The following PLCH2 variants were observed in gnomAD, a reference collection of about 807,000 sequenced individuals.
The protein encoded by PLCH2 is phospholipase C eta 2, also known as 1-phosphatidylinositol 4,5-bisphosphate phosphodiesterase eta-2.
In PLCH2, 98 loss-of-function variants were observed where a neutral mutation model predicts 134.7. The ratio of observed to expected loss-of-function variants is 0.73; its 90% CI spans 0.62 to 0.86. The LOEUF is 0.86. PLCH2 is among the 40% of genes least tolerant of loss of function. The pLI is 0.00. For missense variants in PLCH2, 1,994 were observed against 1,986.6 expected (o/e 1.00, Z -0.07); for synonymous variants, 974 against 827.5 (o/e 1.18, Z -3.04).
rs150418237 is a variant in PLCH2, at chr1:2,458,536, C to A, written c.116-19940C>A. On this transcript the variant is annotated intron_variant, in intron 2 of 3. Transcript: ENST00000609981. ...AGTGGCCTTCCTGCTTTCACAGGAA[C>A]TGGCAGGCCGGGTGGACCCAGTGGG... Among the ~76,000 whole-genome samples the A allele has an allele frequency of 3.2e-3, 482 of 152,268 alleles. 6 individuals are homozygous for A. Among genetic ancestry groups the A allele is most frequent in the African/African-American group, 0.011 (453 of 41,550 alleles).
intron 2 of PLCH2, among the ~76,000 whole-genome samples, chr1:2,462,393 CGCCTGACACCCCTCT>C (rs1344585532): frequency 1.5e-5 from 2 of 134,170 alleles, no homozygotes; most frequent in South Asian, 2.6e-4. Flanking sequence ...ACACCCCCTC[CGCCTGACACCCCTCT>C]GCCTGACACC....
Position 2,504,098 on chromosome 1 carries a change from G to A in PLCH2, c.3136G>A (p.Glu1046Lys). Residue 1046 changes from glutamate (E) to lysine (K), a missense_variant, in exon 22 of 22, where the codon GAG becomes AAG. Around this residue, in one of 2 missense-constraint regions of PLCH2, gnomAD observed 900 missense variants for 752.3 expected, o/e 1.20. Coordinates refer to ENST00000378486, the MANE Select transcript of PLCH2 (RefSeq NM_014638.4). ...GPGANVASPL[E>K]DTEEPRDSRP... ...CGGAGCCAATGTGGCAAGCCCCCTAGAGGACACTGAGGAGCCCCGAGACAG... is the reference window on the plus strand; with the variant it reads ...CGGAGCCAATGTGGCAAGCCCCCTAAAGGACACTGAGGAGCCCCGAGACAG... The A allele has an allele frequency of 6.5e-7, 1 of 1,530,570 alleles. No homozygotes were observed. Among genetic ancestry groups the A allele is most frequent in the South Asian group, 1.2e-5 (1 of 82,018 alleles). The allele number at this position is 1,530,570 out of a possible 1,614,324, so 94.8% of individuals were successfully genotyped here.
At chr1:2,479,007 C>T in intron 2 of PLCH2, 1 of 226,532 alleles carries the variant, frequency 4.4e-6, no homozygotes, top group Non-Finnish European at 8.8e-6. Context: ...GCTCAGGCAG[C>T]CACTGGGCAT....
Position 2,487,216 on chromosome 1 carries a change from C to A in PLCH2, c.954C>A (p.Asn318Lys). The A allele has an allele frequency of 6.3e-7, 1 of 1,596,314 alleles. No individual in the cohort carries two copies. Among genetic ancestry groups the A allele is most frequent in the Non-Finnish European group, 8.5e-7 (1 of 1,171,692 alleles). ...YTRSPAGDIFNPEHHHVHQDM... is the reference protein window; with the variant it reads ...YTRSPAGDIFKPEHHHVHQDM... ...GGAGCCCTGCTGGTGACATCTTCAA[C>A]CCTGAGCACCACCATGTGCACCAGG... The change falls in exon 7 of 22, where the codon AAC (asparagine) becomes AAA (lysine). Residue 318 changes from asparagine to lysine, a missense_variant. Around this residue, in one of 2 missense-constraint regions of PLCH2, gnomAD observed 1,094 missense variants for 1,234.3 expected, o/e 0.89. Transcript: ENST00000378486.
At chr1:2,494,046 C>G (rs980515202) in intron 11 of PLCH2, among the ~76,000 whole-genome samples, 1 of 152,192 alleles carries the variant, frequency 6.6e-6, no homozygotes, top group Non-Finnish European at 1.5e-5. Context: ...ACAGGGACCG[C>G]TGCTGCAGGC....
At chr1:2,481,799 T>C (rs1641985834) in intron 4 of PLCH2, among the ~76,000 whole-genome samples, 1 of 152,194 alleles carries the variant, frequency 6.6e-6, no homozygotes, top group Admixed American at 6.5e-5. Context: ...TTCAGAGCGC[T>C]GGGCCTCCCC....
At chr1:2,480,042 G>T (rs1641875907) in intron 3 of PLCH2, 65 bp downstream of exon 3, 6 of 1,583,562 alleles carry the variant, frequency 3.8e-6, no homozygotes, top group Non-Finnish European at 5.2e-6. Context: ...CTCACCCTGG[G>T]GGGGCCTGTC....
chr1:2,483,480 C>T (rs535139369), intron 4 of PLCH2, among the ~76,000 whole-genome samples: 10 of 152,292 alleles, frequency 6.6e-5, no homozygotes, highest in African/African-American at 2.2e-4. Flanking sequence ...CTAGGCACTG[C>T]GTCCCTTTGG....
rs2100754673 is a variant in PLCH2 at position 2,504,882 on chromosome 1, C to T, written c.3920C>T (p.Thr1307Ile). 2 of 1,591,602 alleles carry T rather than the reference C, an allele frequency of 1.3e-6. No homozygotes were observed. Among genetic ancestry groups the T allele is most frequent in the Non-Finnish European group, 1.7e-6 (2 of 1,168,728 alleles). The change falls in exon 22 of 22, where the codon ACT becomes ATT. Residue 1307 changes from threonine to isoleucine, a missense_variant. Thr to Ile is a moderately conservative substitution (Grantham distance 89). Transcript: ENST00000378486. The part of the protein sequence containing the change: ...DTLTEQLRWL[T>I]VFQQAGDITS... ...CTGACAGAGCAGCTGCGCTGGCTCA[C>T]TGTCTTCCAGCAGGCAGGAGACATC...
rs759302911 is a variant in PLCH2 at position 2,504,146 on chromosome 1, G to A, written c.3184G>A (p.Glu1062Lys). The A allele has an allele frequency of 6.2e-5, 94 of 1,520,234 alleles. No homozygotes were observed. In the South Asian group the frequency reaches 8.1e-4, roughly 13 times the overall value. 94.2% of individuals were successfully genotyped at this position (1,520,234 alleles called of 1,614,324 possible). The change falls in exon 22 of 22, where the codon GAG becomes AAG. Residue 1062 changes from glutamate to lysine, a missense_variant. By Grantham distance (56) the Glu-to-Lys change is moderately conservative (BLOSUM62 1). Transcript: ENST00000378486. ...RDSRPRPCNGEGAGGAYERAP... is the reference protein window; with the variant it reads ...RDSRPRPCNGKGAGGAYERAP... The stretch of plus-strand genomic sequence containing the variant: ...CAGCAGGCCTCGGCCGTGCAACGGC[G>A]AGGGCGCCGGCGGGGCATACGAGAG...
chr1:2,445,443 T>C (rs1396026834), intron 2 of PLCH2, among the ~76,000 whole-genome samples: 1 of 151,972 alleles, frequency 6.6e-6, no homozygotes, highest in Non-Finnish European at 1.5e-5. Context: ...TGCTGGACAG[T>C]GTGTAGAAGA....
chr1:2,501,177 A>T (rs764367955), intron 20 of PLCH2: 2 of 151,950 alleles, frequency 1.3e-5, no homozygotes, highest in Non-Finnish European at 2.9e-5. Context: ...GCATCTGCCC[A>T]GAGGCGCCCC....
intron 2 of PLCH2, among the ~76,000 whole-genome samples, chr1:2,436,722 CA>C (rs887278093): frequency 1.3e-5 from 2 of 152,306 alleles, no homozygotes; most frequent in African/African-American, 4.8e-5. Context: ...GCCTGAGGGT[CA>C]GGCTAGTCCC....
rs1430383475 is a variant in PLCH2, at chr1:2,448,827, C to T, written c.115+18198C>T. Among the ~76,000 whole-genome samples the T allele has an allele frequency of 6.6e-6, 1 of 152,138 alleles. No individual in the cohort carries two copies. Among genetic ancestry groups the T allele is most frequent in the Non-Finnish European group, 1.5e-5 (1 of 68,010 alleles). On this transcript the variant is annotated intron_variant, in intron 2 of 3. Coordinates refer to the PLCH2 transcript ENST00000609981. The surrounding 1 kb of genome is among the most constrained non-coding windows in gnomAD (Gnocchi z 4.0). ...CCAAGAGGGGTACTGGAGGCCTGGA[C>T]GGGCCTCACTCCATTCTTAGGGAGC... is the stretch of plus-strand genomic sequence containing the variant.
At chr1:2,425,797 A>G (rs1426381961), upstream of PLCH2, among the ~76,000 whole-genome samples, 1 of 151,568 alleles carries the variant, frequency 6.6e-6, no homozygotes. Context: ...TTCTGGGATG[A>G]CAGGAGTGAG....
In PLCH2 at chr1:2,479,719, C is replaced by T. The variant is rs762028329; in HGVS notation, c.272-15C>T. ...CCCCCGGGGACCTGACCCGTGCTCCCTCCCCACCCCGCAGTCTCCATCGAC... is the reference window on the plus strand; with the variant it reads ...CCCCCGGGGACCTGACCCGTGCTCCTTCCCCACCCCGCAGTCTCCATCGAC... On this transcript the variant is annotated splice_polypyrimidine_tract_variant and intron_variant, in intron 2 of 21. Transcript: ENST00000378486. 1.3e-6 allele frequency: 2 copies of T among 1,527,764 alleles called. No homozygotes were observed. Among genetic ancestry groups the T allele is most frequent in the South Asian group, 2.4e-5 (2 of 83,370 alleles). 94.6% of individuals were successfully genotyped at this position (1,527,764 alleles called of 1,614,324 possible). A position where few individuals can be genotyped will look rare whatever the true frequency, so the allele number is the denominator to read the frequency against.
At chr1:2,447,219 G>T (rs1403551479) in intron 2 of PLCH2, among the ~76,000 whole-genome samples, 1 of 152,228 alleles carries the variant, frequency 6.6e-6, no homozygotes, top group Non-Finnish European at 1.5e-5. Context: ...AACCTGAGGG[G>T]CTTCCAGGGC....
chr1:2,449,035 A>G (rs1570291262), intron 2 of PLCH2, among the ~76,000 whole-genome samples: 1 of 152,052 alleles, frequency 6.6e-6, no homozygotes, highest in South Asian at 2.1e-4. Context: ...TCCAGGCCCC[A>G]CCAGCTGCTC....
chr1:2,453,648 C>G (rs990190657), intron 2 of PLCH2, among the ~76,000 whole-genome samples: 5 of 152,234 alleles, frequency 3.3e-5, no homozygotes, highest in Non-Finnish European at 7.3e-5. Context: ...TTCCTTCCAC[C>G]CCCTGTGGAG....
Sources: allele counts gnomAD v4.1 joint callset (sites outside exome capture counted in the v4.1 genomes callset), GRCh38; gene constraint gnomAD v4.1.1; regional missense constraint gnomAD v4.1.1; non-coding constraint Gnocchi (gnomAD v3.1); transcripts MANE v1.5; gene names NCBI Gene and HGNC (gene_info 2026-07-23, HGNC 2026-07-21).